The following ETV6 variants were observed in gnomAD, a reference collection of about 807,000 sequenced individuals.
ETV6 encodes ETS variant transcription factor 6, also known as transcription factor ETV6.
In ETV6, 16 loss-of-function variants were observed where a neutral mutation model predicts 51.1. The observed-to-expected ratio is 0.31, with a 90% CI of 0.21 to 0.48. ETV6 has a LOEUF of 0.48. Ranked by LOEUF, ETV6 falls within the 20% of genes least tolerant of loss-of-function variation. ETV6 has a pLI of 0.99. For synonymous variants in ETV6, 240 were observed against 224.1 expected (o/e 1.07, Z -0.64); for missense variants, 458 against 594.8 (o/e 0.77, Z 2.39).
chr12:11,674,746 C>T (rs990736570), intron 1 of ETV6, among the ~76,000 whole-genome samples: 2 of 151,630 alleles, frequency 1.3e-5, no homozygotes, highest in African/African-American at 4.9e-5. Flanking sequence ...GCATGAGTGT[C>T]CACCACCTAG....
intron 1 of ETV6, among the ~76,000 whole-genome samples, chr12:11,719,032 T>C (rs1865331412): frequency 6.6e-6 from 1 of 152,212 alleles, no homozygotes; most frequent in Non-Finnish European, 1.5e-5. Context: ...GTTAGGGTAA[T>C]CAGTGTGATT....
At chr12:11,882,575 C>T (rs868812708) in intron 5 of ETV6, among the ~76,000 whole-genome samples, 4 of 152,316 alleles carry the variant, frequency 2.6e-5, no homozygotes, top group African/African-American at 7.2e-5. Context: ...CCAGGCTTGT[C>T]GAAGCCACAG....
intron 1 of ETV6, among the ~76,000 whole-genome samples, chr12:11,696,861 C>T (rs2954983): frequency 0.98 from 148,511 of 152,296 alleles, 72,508 homozygotes; most frequent in East Asian, 1. Context: ...ATTATAATTA[C>T]TAAATATTGT....
At chr12:11,890,523 G>C (rs1947270753) in intron 7 of ETV6, among the ~76,000 whole-genome samples, 1 of 151,524 alleles carries the variant, frequency 6.6e-6, no homozygotes, top group African/African-American at 2.4e-5. Flanking sequence ...AACCTCCTGA[G>C]CTTAAGGGAT....
chr12:11,843,742 T>C (rs1376477452), intron 3 of ETV6, among the ~76,000 whole-genome samples: 1 of 152,190 alleles, frequency 6.6e-6, no homozygotes, highest in African/African-American at 2.4e-5. Context: ...TTAACAAATT[T>C]ATCGCATCTA....
intron 1 of ETV6, among the ~76,000 whole-genome samples, chr12:11,693,057 TAAA>T (rs1006277139): frequency 8.5e-5 from 13 of 152,088 alleles, no homozygotes; most frequent in Admixed American, 8.5e-4. Flanking sequence ...GTAATAATAA[TAAA>T]TTTAAAAATA....
chr12:11,802,629 G>C (rs892955929), intron 2 of ETV6, among the ~76,000 whole-genome samples: 4 of 152,180 alleles, frequency 2.6e-5, no homozygotes, highest in Admixed American at 1.3e-4. Flanking sequence ...GGTATGTCTT[G>C]CAGGACGACC....
rs138950528 is a variant in ETV6 at position 11,796,614 on chromosome 12, C to G, written c.164-42526C>G. Among the ~76,000 whole-genome samples the G allele has an allele frequency of 1.6e-4, 24 of 152,298 alleles. No individual in the cohort carries two copies. In the East Asian group the frequency reaches 4.6e-3, roughly 29 times the overall value. The stretch of plus-strand genomic sequence containing the variant: ...CCTCTTACTCTTATACATCATCTAC[C>G]ACTGAAACCAGAGCTTCCGCTGTGC... On this transcript the variant is annotated intron_variant, in intron 2 of 7. Coordinates refer to ENST00000396373, the MANE Select transcript of ETV6 (RefSeq NM_001987.5).
intron 3 of ETV6, among the ~76,000 whole-genome samples, chr12:11,846,992 C>T (rs1946475855): frequency 6.6e-6 from 1 of 152,218 alleles, no homozygotes; most frequent in Admixed American, 6.5e-5. Flanking sequence ...CCTGCCTCAG[C>T]CTCCCGAGTA....
intron 2 of ETV6, among the ~76,000 whole-genome samples, chr12:11,778,945 C>A (rs1591667638): frequency 6.6e-6 from 1 of 152,226 alleles, no homozygotes; most frequent in Non-Finnish European, 1.5e-5. Context: ...AACTGTCAGA[C>A]TTGGGTTGGT....
In ETV6 at chr12:11,762,705, A is replaced by T. The variant is rs557067494; in HGVS notation, c.163+10126A>T. Reference sequence around the variant, plus strand: ...CTTATACCATCCCCTGGGCATGAAAACTCACACCCAAGGAAAGTATTTCTA... The same window carrying T: ...CTTATACCATCCCCTGGGCATGAAATCTCACACCCAAGGAAAGTATTTCTA... On this transcript the variant is annotated intron_variant, in intron 2 of 7. Coordinates refer to ENST00000396373, the MANE Select transcript of ETV6 (RefSeq NM_001987.5). 1.2e-3 allele frequency among the ~76,000 whole-genome samples: 179 copies of T among 152,118 alleles called. 6 individuals carry two copies. The highest frequency in any genetic ancestry group is 9.0e-4 in the Non-Finnish European group (61 of 67,996).
intron 5 of ETV6, among the ~76,000 whole-genome samples, chr12:11,877,907 CT>C (rs146680259): frequency 6.0e-4 from 92 of 152,332 alleles, no homozygotes; most frequent in Non-Finnish European, 1.1e-3. Flanking sequence ...CTGTCCCCCC[CT>C]GCCTCACTGC....
intron 2 of ETV6, among the ~76,000 whole-genome samples, chr12:11,762,267 A>G (rs1434759938): frequency 1.3e-5 from 2 of 152,160 alleles, no homozygotes; most frequent in Non-Finnish European, 2.9e-5. Flanking sequence ...TGGCCTGAGA[A>G]TTGTCTGTGG....
intron 2 of ETV6, among the ~76,000 whole-genome samples, chr12:11,776,217 G>A (rs1945322191): frequency 6.6e-6 from 1 of 152,264 alleles, no homozygotes; most frequent in South Asian, 2.1e-4. Context: ...TGATGAGGAT[G>A]CGGGACATTG....
At chr12:11,859,874 C>A (rs1946689301) in intron 4 of ETV6, among the ~76,000 whole-genome samples, 1 of 152,162 alleles carries the variant, frequency 6.6e-6, no homozygotes, top group Admixed American at 6.5e-5. Flanking sequence ...TACATTACTG[C>A]CAAATTTGTA....
intron 1 of ETV6, among the ~76,000 whole-genome samples, chr12:11,689,555 A>G (rs1864707610): frequency 6.6e-6 from 1 of 152,152 alleles, no homozygotes; most frequent in African/African-American, 2.4e-5. Context: ...CTAACAGGCA[A>G]GCTTCCGTGA....
rs1947308677 is a variant in ETV6, at chr12:11,892,373, T to TTTTC, written c.*1336_*1339dup. On this transcript the variant is annotated 3_prime_UTR_variant, in exon 8 of 8. Coordinates refer to ENST00000396373, the MANE Select transcript of ETV6 (RefSeq NM_001987.5). ...CAGGAAATTCCTCGGATACATTATT[T>TTTTC]TTTCTTTCTTTCATAGCTGTGTCTC... The TTTTC allele has an allele frequency of 4.3e-6, 1 of 233,074 alleles. No individual in the cohort carries two copies. The highest frequency in any genetic ancestry group is 2.2e-5 in the African/African-American group (1 of 45,290). 14.4% of individuals were successfully genotyped at this position (233,074 alleles called of 1,614,324 possible). A position where few individuals can be genotyped will look rare whatever the true frequency, so the allele number is the denominator to read the frequency against.
At chr12:11,721,055 G>A (rs1286169131) in intron 1 of ETV6, among the ~76,000 whole-genome samples, 1 of 152,090 alleles carries the variant, frequency 6.6e-6, no homozygotes, top group Non-Finnish European at 1.5e-5. Flanking sequence ...ATTATCAAAA[G>A]TCAAAAAATA....
chr12:11,740,929 A>C (rs1340141053), intron 1 of ETV6, among the ~76,000 whole-genome samples: 2 of 152,134 alleles, frequency 1.3e-5, no homozygotes, highest in African/African-American at 2.4e-5. Flanking sequence ...TAGCCCTTCA[A>C]CCTCAATTTC....
Sources: gnomAD v4.1 joint callset for allele counts (sites outside exome capture counted in the v4.1 genomes callset) on GRCh38, gnomAD v4.1.1 for gene constraint, MANE v1.5 for transcripts, NCBI Gene and HGNC (gene_info 2026-07-23, HGNC 2026-07-21) for gene names.